Variants in ELMO1 observed in about 807,000 individuals in gnomAD.
ELMO1 encodes the protein engulfment and cell motility 1.
Under a neutral mutation model 98.9 loss-of-function variants are expected in ELMO1, and 26 were observed. That is an observed-to-expected ratio of 0.26 (90% CI 0.19 to 0.36). The LOEUF (loss-of-function observed/expected upper bound fraction) is 0.36. Ranked by LOEUF, ELMO1 falls within the 10% of genes least tolerant of loss-of-function variation. The probability of loss-of-function intolerance (pLI) is 1.00; values close to 1 mark genes in which losing one functional copy is unlikely to be tolerated. For synonymous variants in ELMO1, 346 were observed against 346.0 expected, an observed-to-expected ratio of 1.00 and a Z score of 0.00; for missense variants, 627 against 935.2, an observed-to-expected ratio of 0.67 and a Z score of 4.30.
At chr7:36,931,165 C>G (rs1194754448) in intron 16 of ELMO1, among the ~76,000 whole-genome samples, 1 of 152,216 alleles carries the variant, frequency 6.6e-6, no homozygotes, top group Non-Finnish European at 1.5e-5. Context: ...TCCTTTAGAA[C>G]ATTTAAGGCA....
At chr7:37,238,801 C>T (rs1285619743) in intron 7 of ELMO1, among the ~76,000 whole-genome samples, 4 of 152,024 alleles carry the variant, frequency 2.6e-5, no homozygotes, top group Non-Finnish European at 5.9e-5. Flanking sequence ...GATGATTTTT[C>T]TCTTTAGGTT....
chr7:37,162,546 T>G (rs1789297110), intron 13 of ELMO1, among the ~76,000 whole-genome samples: 1 of 152,222 alleles, frequency 6.6e-6, no homozygotes, highest in African/African-American at 2.4e-5. Context: ...CCAGGAGCAC[T>G]TGTCAACCTA....
intron 1 of ELMO1, among the ~76,000 whole-genome samples, chr7:37,440,422 A>ACAGAG (rs1805358810): frequency 6.6e-6 from 1 of 150,918 alleles, no homozygotes; most frequent in East Asian, 1.9e-4. Context: ...AGCCTGGGCA[A>ACAGAG]CAGAGCAAGA....
At chr7:36,941,096 T>C (rs1388819677) in intron 16 of ELMO1, among the ~76,000 whole-genome samples, 2 of 152,248 alleles carry the variant, frequency 1.3e-5, no homozygotes, top group African/African-American at 4.8e-5. Flanking sequence ...TGTATTACAT[T>C]CTTTGGATAA....
At chr7:37,050,909 A>T (rs958165272) in intron 15 of ELMO1, among the ~76,000 whole-genome samples, 2 of 152,136 alleles carry the variant, frequency 1.3e-5, no homozygotes, top group Non-Finnish European at 2.9e-5. Context: ...ACCAAGGCTA[A>T]TGACCATCCA....
intron 13 of ELMO1, among the ~76,000 whole-genome samples, chr7:37,135,917 A>G (rs2129302692): frequency 6.6e-6 from 1 of 152,378 alleles, no homozygotes; most frequent in Admixed American, 6.5e-5. Flanking sequence ...AAAGTGGATT[A>G]TTAAGTTACT....
intron 15 of ELMO1, among the ~76,000 whole-genome samples, chr7:37,055,019 AC>A (rs1354972979): frequency 1.3e-5 from 2 of 152,180 alleles, no homozygotes; most frequent in African/African-American, 4.8e-5. Flanking sequence ...ATATTCCATC[AC>A]CCAGGGAACA....
chr7:37,235,287 G>A (rs956187170), intron 7 of ELMO1, among the ~76,000 whole-genome samples: 8 of 152,204 alleles, frequency 5.3e-5, no homozygotes, highest in African/African-American at 1.9e-4. Flanking sequence ...AGGAAAATAA[G>A]AGCCAGGAAA....
At chr7:36,940,135 A>C (rs539544969) in intron 16 of ELMO1, among the ~76,000 whole-genome samples, 1 of 152,208 alleles carries the variant, frequency 6.6e-6, no homozygotes, top group Admixed American at 6.5e-5. Context: ...GTAAATAGAC[A>C]ACCATCTCCT....
At chr7:36,986,173 T>G in intron 16 of ELMO1, 2 of 985,806 alleles carry the variant, frequency 2.0e-6, no homozygotes, top group Non-Finnish European at 2.4e-6. Flanking sequence ...TTTATGGAGC[T>G]GGAGCCCAGG....
chr7:37,293,724 A>AAAAT (rs1554290713), intron 4 of ELMO1, among the ~76,000 whole-genome samples: 3 of 73,292 alleles, frequency 4.1e-5, no homozygotes, highest in Non-Finnish European at 7.3e-5. Context: ...ATAAAAAAAA[A>AAAAT]AATAATAATA....
At chr7:36,883,108 G>A (rs146917138) in intron 18 of ELMO1, among the ~76,000 whole-genome samples, 179 of 152,292 alleles carry the variant, frequency 1.2e-3, no homozygotes, top group Non-Finnish European at 2.1e-3. Flanking sequence ...CCAGAGCAAC[G>A]TAAGATATAC....
chr7:36,988,006 C>T (rs1215947311), intron 16 of ELMO1, among the ~76,000 whole-genome samples: 1 of 152,220 alleles, frequency 6.6e-6, no homozygotes, highest in Non-Finnish European at 1.5e-5. Flanking sequence ...GATCCATCCA[C>T]CTTGGCCTCC....
At chr7:37,446,696 C>A (rs993447041) in intron 1 of ELMO1, among the ~76,000 whole-genome samples, 1 of 152,188 alleles carries the variant, frequency 6.6e-6, no homozygotes, top group South Asian at 2.1e-4. Context: ...GACTCCCATC[C>A]GGGTCTGCCT....
intron 2 of ELMO1, among the ~76,000 whole-genome samples, chr7:37,338,940 A>G (rs2131242305): frequency 6.6e-6 from 1 of 152,332 alleles, no homozygotes; most frequent in African/African-American, 2.4e-5. Context: ...AAGAAGATAA[A>G]CAAGTCCATC....
intron 21 of ELMO1, among the ~76,000 whole-genome samples, chr7:36,856,019 T>C (rs568385630): frequency 7.9e-4 from 121 of 152,372 alleles, no homozygotes; most frequent in Middle Eastern, 3.4e-3. Context: ...CTGACTCCAG[T>C]GCCTGTGCTC....
At chr7:36,888,794 G>T (rs1805271704) in intron 17 of ELMO1, among the ~76,000 whole-genome samples, 1 of 152,156 alleles carries the variant, frequency 6.6e-6, no homozygotes, top group Non-Finnish European at 1.5e-5. Flanking sequence ...CCTTAACTCT[G>T]GACTTGCCTT....
At chr7:37,399,884 T>A (rs1456474032) in intron 1 of ELMO1, among the ~76,000 whole-genome samples, 1 of 152,206 alleles carries the variant, frequency 6.6e-6, no homozygotes, top group African/African-American at 2.4e-5. Flanking sequence ...TTGTGAGGAT[T>A]AAACAACTTG....
chr7:36,890,705 C>T (rs530801213), intron 17 of ELMO1, among the ~76,000 whole-genome samples: 1 of 152,230 alleles, frequency 6.6e-6, no homozygotes, highest in African/African-American at 2.4e-5. Context: ...ATTTGATTTC[C>T]CTGCTTCCAA....
Sources: gnomAD v4.1 joint callset for allele counts (sites outside exome capture counted in the v4.1 genomes callset) on GRCh38, gnomAD v4.1.1 for gene constraint, MANE v1.5 for transcripts, NCBI Gene and HGNC (gene_info 2026-07-23, HGNC 2026-07-21) for gene names.